The following DOCK5 variants were observed in gnomAD, a reference collection of about 807,000 sequenced individuals.
DOCK5 encodes dedicator of cytokinesis 5.
In DOCK5, 142 loss-of-function variants were observed where a neutral mutation model predicts 251.8. That is an observed-to-expected ratio of 0.56 (90% confidence interval 0.49 to 0.65). The LOEUF (loss-of-function observed/expected upper bound fraction) is 0.65, where lower values mean the gene tolerates loss of function less well. DOCK5 is among the 30% of genes least tolerant of loss of function. DOCK5 has a pLI of 0.00. For synonymous variants in DOCK5, 842 were observed against 835.5 expected (o/e 1.01, Z -0.13); for missense variants, 2,111 against 2,312.3 (o/e 0.91, Z 1.79).
chr8:25,213,743 A>G (rs1452262200), intron 1 of DOCK5, among the ~76,000 whole-genome samples: 1 of 152,186 alleles, frequency 6.6e-6, no homozygotes, highest in Non-Finnish European at 1.5e-5. Context: ...TCACAAACGC[A>G]TTTGTTCTTG....
intron 29 of DOCK5, among the ~76,000 whole-genome samples, 181 bp downstream of exon 29, chr8:25,363,322 C>G (rs1052614072): frequency 6.6e-6 from 1 of 152,116 alleles, no homozygotes; most frequent in East Asian, 1.9e-4. Context: ...GGGTAATTGC[C>G]TTTGCTCCAC....
At chr8:25,200,210 T>C (rs750450233) in intron 1 of DOCK5, among the ~76,000 whole-genome samples, 3 of 152,248 alleles carry the variant, frequency 2.0e-5, no homozygotes, top group Non-Finnish European at 2.9e-5. Flanking sequence ...ATAACCTCTA[T>C]CATGTATTGA....
chr8:25,389,929 A>T (rs1390927595), intron 41 of DOCK5, among the ~76,000 whole-genome samples: 4 of 150,060 alleles, frequency 2.7e-5, no homozygotes, highest in African/African-American at 9.8e-5. Flanking sequence ...CTATTTCCTG[A>T]TATTGCATTG....
At chr8:25,395,422 A>G (rs1801329178) in intron 44 of DOCK5, 121 bp from the exon 45 acceptor site, 15 of 1,122,644 alleles carry the variant, frequency 1.3e-5, no homozygotes, top group Non-Finnish European at 1.7e-5. Context: ...TGATTAGCAA[A>G]TCTTCCCTTT....
At chr8:25,290,255 A>G (rs1200392740) in intron 5 of DOCK5, among the ~76,000 whole-genome samples, 1 of 152,190 alleles carries the variant, frequency 6.6e-6, no homozygotes, top group East Asian at 1.9e-4. Flanking sequence ...CCTAGGCCAC[A>G]TTGGAAGAAG....
At chr8:25,404,800 C>T (rs1033603567) in intron 48 of DOCK5, among the ~76,000 whole-genome samples, 10 of 152,062 alleles carry the variant, frequency 6.6e-5, no homozygotes, top group East Asian at 5.8e-4. Context: ...ATTCCTAAAC[C>T]GACTTCCATA....
intron 31 of DOCK5, 42 bp downstream of exon 31, chr8:25,367,012 C>G (rs752226716): frequency 6.5e-7 from 1 of 1,532,398 alleles, no homozygotes; most frequent in East Asian, 2.3e-5. Context: ...GGGGCTTCTT[C>G]CATTTGTTTA....
intron 28 of DOCK5, among the ~76,000 whole-genome samples, chr8:25,361,292 C>T (rs1574750): frequency 0.31 from 46,939 of 152,002 alleles, 7,480 homozygotes; most frequent in East Asian, 0.35. Flanking sequence ...ACAGAATGGC[C>T]AATAAATTGG....
chr8:25,195,251 CTTTTT>C (rs59704416), intron 1 of DOCK5, among the ~76,000 whole-genome samples: 4 of 106,232 alleles, frequency 3.8e-5, no homozygotes, highest in Admixed American at 2.0e-4. Flanking sequence ...CTCCTTATCA[CTTTTT>C]TTTTTTTTTT....
At chr8:25,271,500 G>A (rs1328445159) in intron 3 of DOCK5, among the ~76,000 whole-genome samples, 8 of 152,120 alleles carry the variant, frequency 5.3e-5, no homozygotes, top group Admixed American at 1.3e-4. Context: ...TCATTTCTCC[G>A]TCTTTAAGGG....
At position 25,332,679 on chromosome 8, in the gene DOCK5, T is replaced by G. The variant is rs1479298221; in HGVS notation, c.2078T>G (p.Val693Gly). 6.2e-7 allele frequency: 1 copy of G among 1,611,928 alleles called. No homozygotes were observed. Among genetic ancestry groups the G allele is most frequent in the African/African-American group, 1.3e-5 (1 of 74,878 alleles). The change falls in exon 20 of 52, where the codon GTG becomes GGG. Residue 693 changes from valine (V) to glycine (G), a missense_variant. Physicochemically the swap from Val to Gly is moderately radical, Grantham distance 109 (BLOSUM62 -3). Transcript: ENST00000276440. ...MSDSETYDFL[V>G]FDALVFIISL... The stretch of plus-strand genomic sequence containing the variant: ...GACAGTGAAACCTATGACTTCCTTG[T>G]GTTTGACGCACTGGTAAGCAGTTAA...
intron 5 of DOCK5, among the ~76,000 whole-genome samples, chr8:25,282,849 C>CAAAAAAAAAAAA (rs56687628): frequency 7.6e-5 from 3 of 39,590 alleles, no homozygotes; most frequent in African/African-American, 2.6e-4. Context: ...GACCCTTTCT[C>CAAAAAAAAAAAA]AAAAAAAAAA....
At chr8:25,202,431 A>G (rs1208314658) in intron 1 of DOCK5, among the ~76,000 whole-genome samples, 1 of 152,160 alleles carries the variant, frequency 6.6e-6, no homozygotes, top group African/African-American at 2.4e-5. Context: ...CTGGAATCCT[A>G]AGAGGAATGG....
At position 25,300,607 on chromosome 8, in the gene DOCK5, G is replaced by A. The variant is rs753205910; in HGVS notation, c.796G>A (p.Gly266Arg). The A allele has an allele frequency of 2.5e-6, 4 of 1,613,204 alleles. No individual in the cohort carries two copies. Among genetic ancestry groups the A allele is most frequent in the African/African-American group, 1.3e-5 (1 of 74,880 alleles). Residue 266 changes from glycine to arginine, a missense_variant, in exon 9 of 52, where the codon GGG (glycine) becomes AGG (arginine). Coordinates refer to ENST00000276440, the MANE Select transcript of DOCK5 (RefSeq NM_024940.8). ...CTATCTAATTCGTTGGGGCAGTAACGGGATGCCCAAGGAAATAGAGAAGCT... is the reference window on the plus strand; with the variant it reads ...CTATCTAATTCGTTGGGGCAGTAACAGGATGCCCAAGGAAATAGAGAAGCT... ...ENYLIRWGSN[G>R]MPKEIEKLNN...
chr8:25,260,786 T>G (rs140272893), intron 2 of DOCK5, among the ~76,000 whole-genome samples: 63 of 151,392 alleles, frequency 4.2e-4, no homozygotes, highest in Non-Finnish European at 6.0e-4. Context: ...ACAATTTTCT[T>G]TCTTTCTTTC....
At chr8:25,198,943 G>C (rs866519013) in intron 1 of DOCK5, among the ~76,000 whole-genome samples, 2 of 152,150 alleles carry the variant, frequency 1.3e-5, no homozygotes, top group Admixed American at 6.5e-5. Context: ...TTATAAGTAA[G>C]GTTTGGCTGT....
At chr8:25,358,146 G>A (rs1800611585) in intron 27 of DOCK5, among the ~76,000 whole-genome samples, 1 of 152,142 alleles carries the variant, frequency 6.6e-6, no homozygotes, top group Non-Finnish European at 1.5e-5. Context: ...CTGAGACTGG[G>A]TAGTTTATAA....
Position 25,392,876 on chromosome 8 carries a change from T to G in DOCK5, c.4521T>G (p.Ile1507Met), listed in dbSNP as rs1801285053. ...GILKWFEVKQ[I>M]STEEISPLEN... The stretch of plus-strand genomic sequence containing the variant: ...TCAAGTGGTTTGAAGTCAAACAGAT[T>G]TCAACAGTGAGTCATTTGAAATTGG... The change falls in exon 44 of 52, where the codon ATT (isoleucine) becomes ATG (methionine). Residue 1507 changes from isoleucine to methionine, a missense_variant. Physicochemically the swap from Ile to Met is conservative, Grantham distance 10. This residue lies in a region of DOCK5 where 1,717 missense variants were observed against 1,892.4 expected (regional missense o/e 0.91). Coordinates refer to ENST00000276440, the MANE Select transcript of DOCK5 (RefSeq NM_024940.8). 6.2e-7 allele frequency: 1 copy of G among 1,610,618 alleles called. No homozygotes were observed. The highest frequency in any genetic ancestry group is 1.3e-5 in the African/African-American group (1 of 75,034).
At chr8:25,288,087 T>C (rs570347569) in intron 5 of DOCK5, among the ~76,000 whole-genome samples, 1 of 152,100 alleles carries the variant, frequency 6.6e-6, no homozygotes, top group South Asian at 2.1e-4. Context: ...GGTTTCACCG[T>C]GTTGGTCAGG....
Sources: gnomAD v4.1 joint callset for allele counts (sites outside exome capture counted in the v4.1 genomes callset) on GRCh38, gnomAD v4.1.1 for gene constraint, gnomAD v4.1.1 regional missense constraint, MANE v1.5 for transcripts, NCBI Gene and HGNC (gene_info 2026-07-23, HGNC 2026-07-21) for gene names.